The following TOPAZ1 variants were observed in gnomAD, a reference collection of about 807,000 sequenced individuals.
The protein encoded by TOPAZ1 is testis and ovary specific TOPAZ 1.
Under a neutral mutation model 172.2 loss-of-function variants are expected in TOPAZ1, and 66 were observed. That is an observed-to-expected ratio of 0.38 (90% confidence interval 0.31 to 0.47). The LOEUF (loss-of-function observed/expected upper bound fraction) is 0.47, where lower values mean the gene tolerates loss of function less well. TOPAZ1 is among the 20% of genes least tolerant of loss of function. The probability of loss-of-function intolerance (pLI) is 0.99; values close to 1 mark genes in which losing one functional copy is unlikely to be tolerated. For synonymous variants in TOPAZ1, 681 were observed against 683.9 expected (o/e 1.00, Z 0.07); for missense variants, 1,822 against 1,972.4 (o/e 0.92, Z 1.44).
Position 44,294,233 on chromosome 3 carries a change from C to G in TOPAZ1, c.3797+3347C>G, listed in dbSNP as rs137935960. ...CCATTCTGGACAACAGAGCAAGACT[C>G]TGTCTCAAAAAAAAAAAGACATATA... On this transcript the variant is annotated intron_variant, in intron 12 of 19. Coordinates refer to ENST00000309765, the MANE Select transcript of TOPAZ1 (RefSeq NM_001145030.2). Among the ~76,000 whole-genome samples the G allele has an allele frequency of 2.4e-3, 316 of 133,372 alleles. 1 individual carries two copies. Among genetic ancestry groups the G allele is most frequent in the African/African-American group, 8.0e-3 (263 of 32,724 alleles). 87.5% of individuals were successfully genotyped at this position (133,372 alleles called of 152,430 possible).
intron 2 of TOPAZ1, among the ~76,000 whole-genome samples, chr3:44,253,272 A>G (rs1293574292): frequency 6.6e-6 from 1 of 152,216 alleles, no homozygotes; most frequent in Non-Finnish European, 1.5e-5. Flanking sequence ...TGCTAAGCAT[A>G]TAGGAATTCA....
intron 2 of TOPAZ1, among the ~76,000 whole-genome samples, chr3:44,248,153 C>CATT (rs1222403306): frequency 6.6e-6 from 1 of 152,168 alleles, no homozygotes; most frequent in African/African-American, 2.4e-5. Context: ...TGCTTTCTGA[C>CATT]ATTATGTGTT....
chr3:44,275,914 C>T (rs940175182), intron 8 of TOPAZ1, among the ~76,000 whole-genome samples: 1 of 151,890 alleles, frequency 6.6e-6, no homozygotes, highest in Non-Finnish European at 1.5e-5. Flanking sequence ...AAGATGATAC[C>T]TTACTGTGGT....
At chr3:44,319,187 C>T (rs1244396908) in intron 16 of TOPAZ1, among the ~76,000 whole-genome samples, 2 of 152,046 alleles carry the variant, frequency 1.3e-5, no homozygotes, top group Admixed American at 1.3e-4. Flanking sequence ...CCTCACAGAC[C>T]GTTGGTTGAT....
At chr3:44,304,534 A>G (rs989280784) in intron 13 of TOPAZ1, among the ~76,000 whole-genome samples, 1 of 152,192 alleles carries the variant, frequency 6.6e-6, no homozygotes, top group Admixed American at 6.5e-5. Flanking sequence ...TTTAAATTTA[A>G]TATCATTTTT....
chr3:44,296,241 T>C (rs1246169205), intron 12 of TOPAZ1, among the ~76,000 whole-genome samples: 2 of 152,082 alleles, frequency 1.3e-5, no homozygotes, highest in African/African-American at 4.8e-5. Context: ...TACACAATAT[T>C]CTAAGCTCCC....
At chr3:44,333,687 T>C (rs908592901), downstream of TOPAZ1, among the ~76,000 whole-genome samples, 5 of 152,182 alleles carry the variant, frequency 3.3e-5, no homozygotes, top group African/African-American at 1.2e-4. Flanking sequence ...AGAGGCATTT[T>C]TGCCTGTCAA....
intron 19 of TOPAZ1, among the ~76,000 whole-genome samples, chr3:44,331,023 A>G (rs900943572): frequency 2.0e-5 from 3 of 152,374 alleles, no homozygotes; most frequent in Admixed American, 2.0e-4. Flanking sequence ...GCTTATAAGT[A>G]AAAATAGTCA....
At chr3:44,250,410 A>G (rs1699617226) in intron 2 of TOPAZ1, among the ~76,000 whole-genome samples, 2 of 152,144 alleles carry the variant, frequency 1.3e-5, no homozygotes, top group South Asian at 2.1e-4. Flanking sequence ...TTAAATTTGT[A>G]TAAAAATTAT....
intron 2 of TOPAZ1, among the ~76,000 whole-genome samples, chr3:44,253,008 T>C (rs376915321): frequency 6.6e-5 from 10 of 152,292 alleles, no homozygotes; most frequent in African/African-American, 2.4e-4. Flanking sequence ...TAAGTAGGAA[T>C]TAGCTAATTG....
At chr3:44,320,259 C>T (rs1031775805) in intron 16 of TOPAZ1, among the ~76,000 whole-genome samples, 4 of 148,222 alleles carry the variant, frequency 2.7e-5, no homozygotes, top group Admixed American at 2.1e-4. Flanking sequence ...TATACAACAA[C>T]GATTTCATAA....
intron 5 of TOPAZ1, among the ~76,000 whole-genome samples, chr3:44,265,833 AG>A (rs1226259908): frequency 6.6e-6 from 1 of 152,214 alleles, no homozygotes; most frequent in Admixed American, 6.5e-5. Flanking sequence ...TAAAGTTGCC[AG>A]CTACATTATC....
chr3:44,289,456 A>G (rs1399119246), intron 11 of TOPAZ1, among the ~76,000 whole-genome samples: 3 of 152,014 alleles, frequency 2.0e-5, no homozygotes, highest in Non-Finnish European at 2.9e-5. Context: ...TCTTTAGAAC[A>G]GGCTTTAAAT....
chr3:44,244,270 T>C lies in TOPAZ1; in HGVS notation c.1764T>C (p.Pro588=). The C allele has an allele frequency of 6.5e-7, 1 of 1,549,958 alleles. No homozygotes were observed. Among genetic ancestry groups the C allele is most frequent in the Non-Finnish European group, 8.7e-7 (1 of 1,146,508 alleles). The change falls in exon 2 of 20, where the codon CCT becomes CCC. Residue 588 remains proline, a synonymous_variant. Transcript: ENST00000309765. ...VEPTLMVIKE[P]IIKDDKKIKS... ...CTACTTTAATGGTTATAAAGGAACC[T>C]ATAATCAAGGATGATAAAAAGATAA...
intron 7 of TOPAZ1, 150 bp downstream of exon 7, chr3:44,269,451 T>A (rs1575713819): frequency 2.6e-6 from 1 of 389,044 alleles, no homozygotes; most frequent in East Asian, 4.4e-5. Context: ...TTGGACCTTT[T>A]GATTGTATTT....
intron 17 of TOPAZ1, among the ~76,000 whole-genome samples, chr3:44,322,369 G>T (rs1700546734): frequency 6.6e-6 from 1 of 152,140 alleles, no homozygotes; most frequent in South Asian, 2.1e-4. Flanking sequence ...TAAGGCTAAG[G>T]TCTGAACTGT....
chr3:44,300,353 C>G (rs1354393387), intron 12 of TOPAZ1, among the ~76,000 whole-genome samples: 1 of 151,850 alleles, frequency 6.6e-6, no homozygotes, highest in Non-Finnish European at 1.5e-5. Flanking sequence ...AAGAGAATCA[C>G]TTGAACCCAG....
intron 2 of TOPAZ1, among the ~76,000 whole-genome samples, chr3:44,250,126 A>G (rs1204138505): frequency 6.6e-6 from 1 of 151,958 alleles, no homozygotes; most frequent in Non-Finnish European, 1.5e-5. Context: ...ATGCCGGGCA[A>G]ATTATATCCT....
chr3:44,270,252 A>G (rs962052982), intron 7 of TOPAZ1, among the ~76,000 whole-genome samples: 2 of 152,180 alleles, frequency 1.3e-5, no homozygotes, highest in Non-Finnish European at 1.5e-5. Context: ...ATTATAATAG[A>G]ATTAACTTTT....
Sources: allele counts gnomAD v4.1 joint callset (sites outside exome capture counted in the v4.1 genomes callset), GRCh38; gene constraint gnomAD v4.1.1; transcripts MANE v1.5; gene names NCBI Gene and HGNC (gene_info 2026-07-23, HGNC 2026-07-21).